Variants in TTC28 observed in about 807,000 individuals in gnomAD.
The protein encoded by TTC28 is tetratricopeptide repeat domain 28, also known as tetratricopeptide repeat protein 28.
TTC28 carries 61 observed loss-of-function variants against 198.0 expected under a neutral mutation model. That is an observed-to-expected ratio of 0.31 (90% CI 0.25 to 0.38). TTC28 has a LOEUF of 0.38. Ranked by LOEUF, TTC28 falls within the 10% of genes least tolerant of loss-of-function variation. The pLI is 1.00. For synonymous variants in TTC28, 1,171 were observed against 1,297.8 expected (o/e 0.90, Z 2.10); for missense variants, 2,678 against 3,164.0 (o/e 0.85, Z 3.69).
chr22:28,192,053 T>G (rs575271186), intron 5 of TTC28, among the ~76,000 whole-genome samples: 8 of 152,306 alleles, frequency 5.3e-5, no homozygotes, highest in African/African-American at 1.7e-4. Flanking sequence ...AGGGGCAGAC[T>G]GACACCTCAC....
chr22:28,095,350 G>A (rs897337391), intron 11 of TTC28, among the ~76,000 whole-genome samples: 1 of 152,068 alleles, frequency 6.6e-6, no homozygotes, highest in Non-Finnish European at 1.5e-5. Context: ...AAGCATCTGG[G>A]AGCTGTCATC....
At chr22:28,037,915 G>A (rs903899064) in intron 12 of TTC28, among the ~76,000 whole-genome samples, 51 of 152,132 alleles carry the variant, frequency 3.4e-4, no homozygotes, top group Admixed American at 1.9e-3. Flanking sequence ...ACTCCCATTC[G>A]CGATTGCTTC....
chr22:27,997,849 A>G, intron 16 of TTC28: 1 of 152,518 alleles, frequency 6.6e-6, no homozygotes, highest in Non-Finnish European at 1.5e-5. Context: ...TGCAAAGCAG[A>G]GTCCTCTGAG....
intron 6 of TTC28, among the ~76,000 whole-genome samples, chr22:28,148,264 T>C (rs866238062): frequency 4.6e-5 from 7 of 152,216 alleles, no homozygotes; most frequent in Admixed American, 2.0e-4. Context: ...CACTGCCTGC[T>C]AGTTTAACTA....
rs1333189795 is a variant in TTC28, at chr22:27,981,595, A to G, written c.*626T>C. 1 of 152,148 alleles carries G rather than the reference A, an allele frequency of 6.6e-6. No homozygotes were observed. Among genetic ancestry groups the G allele is most frequent in the Non-Finnish European group, 1.5e-5 (1 of 68,034 alleles). The allele number at this position is 152,148 out of a possible 1,614,324, so 9.4% of individuals were successfully genotyped here. On this transcript the variant is annotated 3_prime_UTR_variant, in exon 23 of 23. Transcript: ENST00000397906. ...AGACATTTGCAGAGCAGAGTTCAGA[A>G]TGGAAGCGCTGTTTCAATGTGAATT...
intron 5 of TTC28, among the ~76,000 whole-genome samples, chr22:28,175,557 C>T (rs112242110): frequency 5.3e-5 from 8 of 152,034 alleles, no homozygotes; most frequent in African/African-American, 1.9e-4. Context: ...CATGGTGAAA[C>T]CCCATCTCTA....
chr22:28,115,985 G>T (rs922623441), intron 6 of TTC28, among the ~76,000 whole-genome samples: 2 of 152,172 alleles, frequency 1.3e-5, no homozygotes, highest in African/African-American at 4.8e-5. Flanking sequence ...GAAATAAAAT[G>T]TAGTATTTTT....
chr22:28,522,449 T>C (rs188645235), intron 2 of TTC28, among the ~76,000 whole-genome samples: 64 of 151,072 alleles, frequency 4.2e-4, no homozygotes, highest in African/African-American at 1.4e-3. Context: ...GATCGTGCCA[T>C]TGCACTCCAG....
At chr22:28,044,400 T>C (rs1034384849) in intron 12 of TTC28, among the ~76,000 whole-genome samples, 2 of 152,170 alleles carry the variant, frequency 1.3e-5, no homozygotes, top group African/African-American at 4.8e-5. Context: ...TTTGCTAAAC[T>C]GATAAAAGTC....
At chr22:28,548,093 T>C (rs1341802555) in intron 2 of TTC28, among the ~76,000 whole-genome samples, 1 of 152,156 alleles carries the variant, frequency 6.6e-6, no homozygotes, top group Non-Finnish European at 1.5e-5. Context: ...AAAAGCTCTA[T>C]CAAGTGACAT....
chr22:28,671,864 C>A (rs936710839), intron 1 of TTC28, among the ~76,000 whole-genome samples: 1 of 151,326 alleles, frequency 6.6e-6, no homozygotes, highest in African/African-American at 2.4e-5. Flanking sequence ...TTAGTAGAGA[C>A]AGGGTTTCAC....
chr22:28,208,642 C>G (rs568662003), intron 5 of TTC28, among the ~76,000 whole-genome samples: 1 of 152,296 alleles, frequency 6.6e-6, no homozygotes. Context: ...TTGCCTTTTG[C>G]TCTATATAAA....
At chr22:28,142,917 G>A (rs890594734) in intron 6 of TTC28, among the ~76,000 whole-genome samples, 1 of 152,158 alleles carries the variant, frequency 6.6e-6, no homozygotes, top group Non-Finnish European at 1.5e-5. Flanking sequence ...AAATTAAAGT[G>A]CCTAAATGTA....
At chr22:28,616,447 A>G (rs1310776041) in intron 2 of TTC28, among the ~76,000 whole-genome samples, 1 of 152,214 alleles carries the variant, frequency 6.6e-6, no homozygotes, top group Non-Finnish European at 1.5e-5. Context: ...GGGAAACATG[A>G]GGTCAAGATA....
intron 1 of TTC28, among the ~76,000 whole-genome samples, chr22:28,644,579 C>T (rs894851241): frequency 1.3e-5 from 2 of 152,002 alleles, no homozygotes; most frequent in African/African-American, 4.8e-5. Flanking sequence ...ATCCCCAGCA[C>T]TTCAGGAGGC....
chr22:28,440,877 C>T (rs59773331), intron 2 of TTC28, among the ~76,000 whole-genome samples: 2,004 of 152,228 alleles, frequency 0.013, 44 homozygotes, highest in African/African-American at 0.046. Context: ...GCTCCTATTT[C>T]CAATGTAGAA....
chr22:28,675,632 G>A (rs1411259662), intron 1 of TTC28, among the ~76,000 whole-genome samples: 2 of 151,318 alleles, frequency 1.3e-5, no homozygotes, highest in African/African-American at 4.9e-5. Context: ...TACCTGCTCA[G>A]GAGGCTCAGG....
intron 14 of TTC28, 23 bp from the exon 15 acceptor site, chr22:28,001,576 C>T (rs1300446038): frequency 6.5e-7 from 1 of 1,541,024 alleles, no homozygotes; most frequent in Admixed American, 2.0e-5. Flanking sequence ...CACGGAGAGG[C>T]TGACATGGGT....
At chr22:28,515,563 A>G (rs187896954) in intron 2 of TTC28, among the ~76,000 whole-genome samples, 1 of 152,338 alleles carries the variant, frequency 6.6e-6, no homozygotes, top group East Asian at 1.9e-4. Flanking sequence ...CAAACTGTTC[A>G]GGGTTTTAAG....
Sources: gnomAD v4.1 joint callset for allele counts (sites outside exome capture counted in the v4.1 genomes callset) on GRCh38, gnomAD v4.1.1 for gene constraint, MANE v1.5 for transcripts, NCBI Gene and HGNC (gene_info 2026-07-23, HGNC 2026-07-21) for gene names.